RERE: variants seen among roughly 807,000 people sequenced by gnomAD.
The protein encoded by RERE is arginine-glutamic acid dipeptide repeats protein.
RERE carries 40 observed loss-of-function variants against 146.1 expected under a neutral mutation model. The observed-to-expected ratio is 0.27, with a 90% CI of 0.21 to 0.36. The LOEUF (loss-of-function observed/expected upper bound fraction) is 0.36, where lower values mean the gene tolerates loss of function less well. RERE is among the 10% of genes least tolerant of loss of function. RERE has a pLI of 1.00. For missense variants in RERE, 1,933 were observed against 2,138.7 expected (o/e 0.90, Z 1.90); for synonymous variants, 1,003 against 866.0 (o/e 1.16, Z -2.78).
intron 1 of RERE, among the ~76,000 whole-genome samples, chr1:8,658,664 G>T (rs1162451035): frequency 6.6e-6 from 1 of 151,972 alleles, no homozygotes; most frequent in Admixed American, 6.6e-5. Flanking sequence ...GGCTGAGTTA[G>T]GAGAACCGCT....
chr1:8,599,602 C>T (rs192795001), intron 4 of RERE, among the ~76,000 whole-genome samples: 2 of 152,238 alleles, frequency 1.3e-5, no homozygotes, highest in East Asian at 1.9e-4. Flanking sequence ...AGGGATTCAC[C>T]GGCTACTGAC....
At chr1:8,545,765 C>T (rs1645852152) in intron 6 of RERE, among the ~76,000 whole-genome samples, 1 of 148,886 alleles carries the variant, frequency 6.7e-6, no homozygotes, top group Admixed American at 6.7e-5. Flanking sequence ...CTCACTGCAA[C>T]CTCCGCCTCC....
At chr1:8,374,370 T>A (rs189944425) in intron 12 of RERE, among the ~76,000 whole-genome samples, 97 of 107,368 alleles carry the variant, frequency 9.0e-4, no homozygotes, top group Middle Eastern at 5.7e-3. Context: ...TTAAAAAAAA[T>A]TTTTTTTTTA....
intron 4 of RERE, among the ~76,000 whole-genome samples, chr1:8,583,472 G>A (rs1646391879): frequency 6.6e-6 from 1 of 152,184 alleles, no homozygotes; most frequent in African/African-American, 2.4e-5. Flanking sequence ...GAAGGCCAAT[G>A]TGTGAAGAGC....
chr1:8,552,091 A>AT (rs757063412), intron 6 of RERE, among the ~76,000 whole-genome samples: 14 of 152,258 alleles, frequency 9.2e-5, no homozygotes, highest in Non-Finnish European at 1.9e-4. Flanking sequence ...TTCAACACAC[A>AT]TTTCTACAAC....
chr1:8,644,245 G>A (rs1647226824), intron 2 of RERE, among the ~76,000 whole-genome samples: 2 of 152,112 alleles, frequency 1.3e-5, no homozygotes, highest in Admixed American at 6.6e-5. Flanking sequence ...TGCAATTCAA[G>A]GTAGACATAC....
At chr1:8,366,042 G>T in intron 12 of RERE, 68 bp from the exon 13 acceptor site, 1 of 1,492,862 alleles carries the variant, frequency 6.7e-7, no homozygotes, top group Non-Finnish European at 9.2e-7. Context: ...CACCCTCTCT[G>T]CCACAGTGGA....
intron 1 of RERE, among the ~76,000 whole-genome samples, chr1:8,807,245 G>T (rs1423240300): frequency 6.6e-6 from 1 of 152,016 alleles, no homozygotes; most frequent in Admixed American, 6.6e-5. Context: ...CAGAGACGGG[G>T]GTCTTGTTAC....
chr1:8,524,035 G>C (rs1253599323), intron 7 of RERE, among the ~76,000 whole-genome samples: 4 of 152,190 alleles, frequency 2.6e-5, no homozygotes, highest in Non-Finnish European at 1.5e-5. Flanking sequence ...GACAGAAAGT[G>C]GTGCAGTGTC....
chr1:8,499,313 T>C (rs1165321382), intron 8 of RERE, among the ~76,000 whole-genome samples: 14 of 152,222 alleles, frequency 9.2e-5, no homozygotes, highest in Non-Finnish European at 1.5e-5. Context: ...TTAAATATTC[T>C]AGTAGTCACG....
intron 12 of RERE, among the ~76,000 whole-genome samples, chr1:8,372,257 A>C (rs1642067789): frequency 6.6e-6 from 1 of 152,156 alleles, no homozygotes; most frequent in African/African-American, 2.4e-5. Flanking sequence ...CTCAGACAGG[A>C]TCCTCTGAGA....
chr1:8,811,464 T>C (rs879880541), intron 1 of RERE, among the ~76,000 whole-genome samples: 3 of 151,974 alleles, frequency 2.0e-5, no homozygotes, highest in Non-Finnish European at 4.4e-5. Flanking sequence ...TAGCCAGGTG[T>C]AGTGGTACAC....
At chr1:8,578,832 G>C (rs1472710136) in intron 4 of RERE, among the ~76,000 whole-genome samples, 6 of 152,192 alleles carry the variant, frequency 3.9e-5, no homozygotes, top group Admixed American at 3.3e-4. Flanking sequence ...TCTGCCCCTT[G>C]TGTTAAAACA....
At chr1:8,388,551 C>G (rs1234277814) in intron 12 of RERE, among the ~76,000 whole-genome samples, 1 of 151,994 alleles carries the variant, frequency 6.6e-6, no homozygotes, top group Non-Finnish European at 1.5e-5. Flanking sequence ...GATCTCCTGA[C>G]CTCATGATCC....
chr1:8,790,126 A>G (rs1641337128), intron 1 of RERE, among the ~76,000 whole-genome samples: 1 of 152,206 alleles, frequency 6.6e-6, no homozygotes, highest in African/African-American at 2.4e-5. Flanking sequence ...TCCTGGATGG[A>G]AAGATGAGCC....
intron 2 of RERE, among the ~76,000 whole-genome samples, chr1:8,655,526 T>C (rs1004329927): frequency 2.6e-5 from 4 of 152,104 alleles, no homozygotes; most frequent in African/African-American, 7.2e-5. Flanking sequence ...TTTTAAAAAG[T>C]ACCTCTCTAG....
chr1:8,608,056 C>G (rs565849701), intron 4 of RERE, among the ~76,000 whole-genome samples: 14 of 151,736 alleles, frequency 9.2e-5, no homozygotes, highest in Non-Finnish European at 4.4e-5. Context: ...TTTTTACTTT[C>G]TGTAGAGACA....
rs753168950 is a variant in RERE, at chr1:8,362,568, G to T, written c.1902+115C>A. 1.9e-4 allele frequency: 251 copies of T among 1,345,468 alleles called. 2 individuals carry two copies. The highest frequency in any genetic ancestry group is 3.7e-4 in the Middle Eastern group (2 of 5,436). 83.3% of individuals were successfully genotyped at this position (1,345,468 alleles called of 1,614,324 possible). ...CAGGACAATGCTGGTGTCCAGACAG[G>T]CTCCATGAATGAGCTGCATCCTCGT... is the stretch of plus-strand genomic sequence containing the variant. On this transcript the variant is annotated intron_variant, in intron 16 of 22. Transcript: ENST00000400908.
Position 8,423,732 on chromosome 1 carries a change from G to C in RERE, c.1204-925C>G. ...TGTGACCGCGGCGGGGCCGCGCGGC[G>C]CGGGGCCCGGGGGGCGCGGGGCTGG... is the stretch of plus-strand genomic sequence containing the variant. On this transcript the variant is annotated intron_variant, in intron 11 of 22. Transcript: ENST00000400908. The surrounding 1 kb of genome is among the most constrained non-coding windows in gnomAD (Gnocchi z 5.4). 4.1e-6 allele frequency: 4 copies of C among 977,328 alleles called. No individual in the cohort carries two copies. Among genetic ancestry groups the C allele is most frequent in the Non-Finnish European group, 4.8e-6 (4 of 825,556 alleles). The allele number at this position is 977,328 out of a possible 1,614,324, so 60.5% of individuals were successfully genotyped here.
Sources: allele counts gnomAD v4.1 joint callset (sites outside exome capture counted in the v4.1 genomes callset), GRCh38; gene constraint gnomAD v4.1.1; non-coding constraint Gnocchi (gnomAD v3.1); transcripts MANE v1.5; gene names NCBI Gene and HGNC (gene_info 2026-07-23, HGNC 2026-07-21).